CRADD: variants seen among roughly 807,000 people sequenced by gnomAD.
CRADD encodes the protein CARD and death domain containing adaptor protein, also known as death domain-containing protein CRADD.
A neutral mutation model predicts 15.5 loss-of-function variants in CRADD; 9 were observed. The ratio of observed to expected loss-of-function variants is 0.58; its 90% CI spans 0.35 to 1.01. The LOEUF is 1.01. Ranked by LOEUF, CRADD falls within the 50% of genes least tolerant of loss-of-function variation. The probability of loss-of-function intolerance (pLI) is 0.02; values close to 1 mark genes in which losing one functional copy is unlikely to be tolerated. For synonymous variants in CRADD, 118 were observed against 107.6 expected (o/e 1.10, Z -0.60); for missense variants, 227 against 250.3 (o/e 0.91, Z 0.63).
At chr12:93,883,093 A>C (rs1958514057) in intron 2 of CRADD, among the ~76,000 whole-genome samples, 1 of 152,244 alleles carries the variant, frequency 6.6e-6, no homozygotes, top group Non-Finnish European at 1.5e-5. Flanking sequence ...GTGGGATATA[A>C]TTTAATTAGG....
intron 2 of CRADD, among the ~76,000 whole-genome samples, chr12:93,755,211 T>A (rs1031831222): frequency 2.0e-5 from 3 of 152,114 alleles, no homozygotes; most frequent in African/African-American, 7.2e-5. Context: ...TCCCATGACA[T>A]GTGGGTATTA....
chr12:93,703,359 C>CTTTTTTTTTTTT (rs34708379), intron 2 of CRADD, among the ~76,000 whole-genome samples: 3 of 136,518 alleles, frequency 2.2e-5, no homozygotes, highest in African/African-American at 2.7e-5. Context: ...TTTTCTTTTT[C>CTTTTTTTTTTTT]TTTTTTTTTT....
chr12:93,790,969 C>T (rs1268124626), intron 2 of CRADD, among the ~76,000 whole-genome samples: 4 of 150,990 alleles, frequency 2.6e-5, no homozygotes, highest in Non-Finnish European at 5.9e-5. Flanking sequence ...TGACTAATCA[C>T]TCCCCACCCC....
downstream of CRADD, among the ~76,000 whole-genome samples, chr12:93,852,386 G>T (rs1157286643): frequency 6.6e-6 from 1 of 152,226 alleles, no homozygotes; most frequent in Admixed American, 6.5e-5. Flanking sequence ...ACACTCGTGG[G>T]CTCTGTCAGC....
intron 2 of CRADD, among the ~76,000 whole-genome samples, chr12:93,838,534 C>T (rs111760892): frequency 1.1e-4 from 16 of 149,998 alleles, no homozygotes; most frequent in Admixed American, 2.0e-4. Context: ...TCCTTCCTTC[C>T]CTTCCTCCCT....
intron 1 of CRADD, 54 bp downstream of exon 1, chr12:93,677,526 AC>A (rs1474000640): frequency 1.3e-5 from 2 of 152,216 alleles, no homozygotes; most frequent in African/African-American, 4.8e-5. Context: ...AGCGTCTGCG[AC>A]CTGGGCCCTG....
At chr12:93,743,418 A>G (rs79760971) in intron 2 of CRADD, among the ~76,000 whole-genome samples, 1 of 152,008 alleles carries the variant, frequency 6.6e-6, no homozygotes. Context: ...TGCAACCACC[A>G]CCTCCTAGGC....
At chr12:93,833,677 A>C (rs987475257) in intron 2 of CRADD, among the ~76,000 whole-genome samples, 2 of 152,174 alleles carry the variant, frequency 1.3e-5, no homozygotes, top group African/African-American at 4.8e-5. Context: ...ATTACACTTA[A>C]TTTTACCTGA....
intron 2 of CRADD, among the ~76,000 whole-genome samples, chr12:93,820,164 C>T (rs182246114): frequency 6.6e-6 from 1 of 152,156 alleles, no homozygotes; most frequent in Admixed American, 6.5e-5. Context: ...ATCTTTGGAG[C>T]CTGTCTTTTT....
intron 2 of CRADD, among the ~76,000 whole-genome samples, chr12:93,877,160 A>G (rs991395188): frequency 4.6e-5 from 7 of 152,186 alleles, no homozygotes; most frequent in African/African-American, 1.4e-4. Context: ...GTACTTAACC[A>G]AACAAACAGT....
chr12:93,688,769 C>A (rs1840949667), intron 2 of CRADD, among the ~76,000 whole-genome samples: 1 of 152,164 alleles, frequency 6.6e-6, no homozygotes, highest in African/African-American at 2.4e-5. Flanking sequence ...CACTTCAAGG[C>A]CTACTGATTC....
intron 2 of CRADD, among the ~76,000 whole-genome samples, chr12:93,723,522 C>T (rs1956301873): frequency 6.6e-6 from 1 of 152,178 alleles, no homozygotes; most frequent in South Asian, 2.1e-4. Context: ...ATTCCCTATT[C>T]CCGACCCTGC....
intron 2 of CRADD, among the ~76,000 whole-genome samples, chr12:93,829,842 G>A (rs766225593): frequency 2.6e-5 from 4 of 152,008 alleles, no homozygotes; most frequent in Admixed American, 6.6e-5. Context: ...ACAGGTGCCC[G>A]CCACCACACC....
chr12:93,814,197 C>A (rs1489372153), intron 2 of CRADD, among the ~76,000 whole-genome samples: 1 of 152,182 alleles, frequency 6.6e-6, no homozygotes. Context: ...GATCTAGTTT[C>A]TTGGCATGAG....
intron 2 of CRADD, chr12:93,790,706 T>C (rs1202203189): frequency 6.6e-6 from 1 of 152,128 alleles, no homozygotes; most frequent in Non-Finnish European, 1.5e-5. Context: ...ACAGCTGTGC[T>C]AGAAGAATGG....
At chr12:93,776,147 T>C (rs143176470) in intron 2 of CRADD, among the ~76,000 whole-genome samples, 307 of 152,330 alleles carry the variant, frequency 2.0e-3, no homozygotes, top group Non-Finnish European at 3.1e-3. Context: ...TATGGAACAG[T>C]CTTTCATACA....
At chr12:93,812,006 G>A (rs765442756) in intron 2 of CRADD, among the ~76,000 whole-genome samples, 54 of 152,300 alleles carry the variant, frequency 3.5e-4, no homozygotes, top group East Asian at 9.6e-4. Context: ...TTAAATACAC[G>A]TTGATAAGTG....
chr12:93,684,460 G>A (rs772289007), intron 2 of CRADD, among the ~76,000 whole-genome samples: 30 of 152,208 alleles, frequency 2.0e-4, no homozygotes, highest in Middle Eastern at 3.4e-3. Context: ...GGTAATCCTC[G>A]CTTGCCTGCC....
At chr12:93,731,214 G>T (rs558398620) in intron 2 of CRADD, among the ~76,000 whole-genome samples, 9 of 152,142 alleles carry the variant, frequency 5.9e-5, no homozygotes, top group African/African-American at 2.2e-4. Flanking sequence ...ATATTTTTCT[G>T]CAGTATTTAT....
Sources: gnomAD v4.1 joint callset for allele counts (sites outside exome capture counted in the v4.1 genomes callset) on GRCh38, gnomAD v4.1.1 for gene constraint, MANE v1.5 for transcripts, NCBI Gene and HGNC (gene_info 2026-07-23, HGNC 2026-07-21) for gene names.